UBR4: variants seen among roughly 807,000 people sequenced by gnomAD.
The protein encoded by UBR4 is ubiquitin protein ligase E3 component n-recognin 4, also known as E3 ubiquitin-protein ligase UBR4.
In UBR4, 124 loss-of-function variants were observed where a neutral mutation model predicts 575.6. The observed-to-expected ratio is 0.22, with a 90% CI of 0.19 to 0.25. The LOEUF is 0.25. Ranked by LOEUF, UBR4 falls within the 10% of genes least tolerant of loss-of-function variation. The pLI, the probability that UBR4 is intolerant of heterozygous loss-of-function variation, is 1.00. For synonymous variants in UBR4, 2,455 were observed against 2,473.7 expected, an observed-to-expected ratio of 0.99 and a Z score of 0.22; for missense variants, 4,818 against 6,478.8, an observed-to-expected ratio of 0.74 and a Z score of 8.80.
In UBR4 at chr1:19,132,605, T is replaced by TAAAA; in HGVS notation, c.8907-3535_8907-3532dup. On this transcript the variant is annotated intron_variant, in intron 60 of 105. Transcript: ENST00000375254. ...ACAACAAAAAAAAAGTAAAAAATGG[T>TAAAA]AAAAAAAAAAAAAAAAAAAAGTAAG... Among the ~76,000 whole-genome samples the TAAAA allele has an allele frequency of 2.7e-3, 66 of 24,072 alleles. 2 individuals carry two copies. The highest frequency in any genetic ancestry group is 0.012 in the African/African-American group (51 of 4,404). The allele number at this position is 24,072 out of a possible 152,430, so 15.8% of individuals were successfully genotyped here.
chr1:19,086,851 A>T, intron 99 of UBR4, 30 bp from the exon 100 acceptor site: 1 of 1,611,244 alleles, frequency 6.2e-7, no homozygotes, highest in East Asian at 2.2e-5. Context: ...AGGAGAGGGG[A>T]GGAGAAACTC....
At chr1:19,192,116 A>T in intron 11 of UBR4, 72 bp downstream of exon 11, 1 of 1,540,384 alleles carries the variant, frequency 6.5e-7, no homozygotes, top group Non-Finnish European at 8.8e-7. Context: ...ATGAAGTCAT[A>T]CTAGCTCCCT....
chr1:19,143,873 T>A (rs1373728833), intron 55 of UBR4, 107 bp downstream of exon 55: 2 of 948,820 alleles, frequency 2.1e-6, no homozygotes, highest in Non-Finnish European at 3.2e-6. Context: ...ATACATAAAG[T>A]CTCCAGGACC....
At position 19,177,626 on chromosome 1, in the gene UBR4, T is replaced by C. The variant is rs2090414603; in HGVS notation, c.2472A>G (p.Thr824=). 1 of 1,613,942 alleles carries C rather than the reference T, an allele frequency of 6.2e-7. No homozygotes were observed. The highest frequency in any genetic ancestry group is 8.5e-7 in the Non-Finnish European group (1 of 1,179,974). The stretch of plus-strand genomic sequence containing the variant: ...AAAGCGACAATATGGCCCGCCGGCC[T>C]GTCTCGGTGAAATTGTGGAAAATGA... ...LLLIFHNFTE[T]GRRAILSLFV... Residue 824 remains threonine, a synonymous_variant, in exon 19 of 106, where the codon ACA becomes ACG. Coordinates refer to ENST00000375254, the MANE Select transcript of UBR4 (RefSeq NM_020765.3).
chr1:19,201,918 A>G lies in UBR4; in HGVS notation c.177-103T>C, dbSNP rs1170602203. 4.2e-6 allele frequency: 4 copies of G among 961,934 alleles called. No homozygotes were observed. The African/African-American group carries it at 6.6e-5, about 16-fold the overall frequency. 59.6% of individuals were successfully genotyped at this position (961,934 alleles called of 1,614,324 possible). ...TTATTTAATCCTTACTACCTGGTAG[A>G]TAGTATCATCAACCTATTCCCCTTC... On this transcript the variant is annotated intron_variant, in intron 1 of 105. Coordinates refer to ENST00000375254, the MANE Select transcript of UBR4 (RefSeq NM_020765.3).
intron 39 of UBR4, among the ~76,000 whole-genome samples, chr1:19,158,471 G>A (rs1211438805): frequency 6.6e-6 from 1 of 151,514 alleles, no homozygotes; most frequent in Non-Finnish European, 1.5e-5. Context: ...TTTGAGACAA[G>A]GTTTCTCTCT....
intron 26 of UBR4, 101 bp from the exon 27 acceptor site, chr1:19,169,633 C>T: frequency 2.3e-6 from 2 of 870,340 alleles, no homozygotes; most frequent in Non-Finnish European, 3.5e-6. Context: ...CAGTACAGCC[C>T]AGGCTGTCAA....
rs758113125 is a variant in UBR4, at chr1:19,078,046, T to C, written c.15254A>G (p.Lys5085Arg). 4 of 1,613,916 alleles carry C rather than the reference T, an allele frequency of 2.5e-6. No homozygotes were observed. The highest frequency in any genetic ancestry group is 3.4e-6 in the Non-Finnish European group (4 of 1,179,972). Residue 5085 changes from lysine (K) to arginine (R), a missense_variant, in exon 104 of 106, where the codon AAG (lysine) becomes AGG (arginine). Coordinates refer to ENST00000375254, the MANE Select transcript of UBR4 (RefSeq NM_020765.3). ...GATRLTDKAVKDYSAYRSSLL... is the reference protein window; with the variant it reads ...GATRLTDKAVRDYSAYRSSLL... ...GGAAGAACGGTAAGCGGAATAGTCCTTCACTGCCTTATCTGTCAGCCTGGA... is the reference window on the plus strand; with the variant it reads ...GGAAGAACGGTAAGCGGAATAGTCCCTCACTGCCTTATCTGTCAGCCTGGA...
chr1:19,081,277 G>GT (rs2076480244), intron 103 of UBR4, 72 bp downstream of exon 103: 4 of 1,341,166 alleles, frequency 3.0e-6, no homozygotes. Flanking sequence ...TAGCACGTGC[G>GT]TACCACTAAG....
Position 19,153,437 on chromosome 1 carries a change from C to A in UBR4, c.6696G>T (p.Leu2232=). ...CNEQQRTTMI[L]LCEDGSLRIY... is the part of the protein sequence containing the mutation. Reference sequence around the variant, plus strand: ...TGCGCAGGCTGCCATCCTCACACAGCAGAATCATTGTTGTCCGCTGCTGCT... The same window carrying A: ...TGCGCAGGCTGCCATCCTCACACAGAAGAATCATTGTTGTCCGCTGCTGCT... Residue 2232 remains leucine, a synonymous_variant, in exon 46 of 106, where the codon CTG becomes CTT. Transcript: ENST00000375254. The surrounding 1 kb of genome is among the most constrained non-coding windows in gnomAD (Gnocchi z 4.1). 1 of 1,614,146 alleles carries A rather than the reference C, an allele frequency of 6.2e-7. No homozygotes were observed. Among genetic ancestry groups the A allele is most frequent in the Non-Finnish European group, 8.5e-7 (1 of 1,180,022 alleles).
Position 19,146,996 on chromosome 1 carries a change from T to C in UBR4, c.7634A>G (p.Gln2545Arg). ...SRSAYHSHKDQALLSKAVQCL... is the reference protein window; with the variant it reads ...SRSAYHSHKDRALLSKAVQCL... Reference sequence around the variant, plus strand: ...CTGCACAGCTTTGCTCAGCAAGGCCTGATCCTGTAAAACAACAGGAGCACA... The same window carrying C: ...CTGCACAGCTTTGCTCAGCAAGGCCCGATCCTGTAAAACAACAGGAGCACA... Residue 2545 changes from glutamine (Q) to arginine (R), a missense_variant, in exon 52 of 106, where the codon CAG becomes CGG. By Grantham distance (43) the Gln-to-Arg change is conservative. Around this residue, in one of 29 missense-constraint regions of UBR4, gnomAD observed 340 missense variants for 375.4 expected, o/e 0.91. Transcript: ENST00000375254. 2 of 1,596,608 alleles carry C rather than the reference T, an allele frequency of 1.3e-6. No homozygotes were observed. Among genetic ancestry groups the C allele is most frequent in the South Asian group, 1.1e-5 (1 of 89,256 alleles).
chr1:19,156,139 G>T, intron 42 of UBR4, 132 bp downstream of exon 42: 1 of 1,242,318 alleles, frequency 8.0e-7, no homozygotes, highest in Non-Finnish European at 1.1e-6. Flanking sequence ...CTTCCAAGTA[G>T]CTGGTACTAC....
rs772225284 is a variant in UBR4, at chr1:19,143,866, C to T, written c.8179+114G>A. On this transcript the variant is annotated intron_variant, in intron 55 of 105. Coordinates refer to ENST00000375254, the MANE Select transcript of UBR4 (RefSeq NM_020765.3). ...GGTAGGATTAGAAAAAAGACAGATA[C>T]ATAAAGTCTCCAGGACCTTGGTCAA... The T allele has an allele frequency of 2.9e-4, 252 of 866,878 alleles. 2 individuals are homozygous for T. Among genetic ancestry groups the T allele is most frequent in the Non-Finnish European group, 8.7e-5 (48 of 551,916 alleles). 53.7% of individuals were successfully genotyped at this position (866,878 alleles called of 1,614,324 possible). A position where few individuals can be genotyped will look rare whatever the true frequency, so the allele number is the denominator to read the frequency against.
intron 73 of UBR4, among the ~76,000 whole-genome samples, chr1:19,116,570 C>G (rs1285839735): frequency 6.6e-6 from 1 of 152,232 alleles, no homozygotes; most frequent in Non-Finnish European, 1.5e-5. Context: ...GTAAGTCTTA[C>G]TATTCAAGTA....
At chr1:19,126,087 G>A (rs1309608711) in intron 64 of UBR4, among the ~76,000 whole-genome samples, 2 of 152,262 alleles carry the variant, frequency 1.3e-5, no homozygotes, top group African/African-American at 4.8e-5. Context: ...TTCTTAATAA[G>A]TACGTTAAAG....
intron 90 of UBR4, 146 bp from the exon 91 acceptor site, chr1:19,097,426 A>C: frequency 5.4e-6 from 3 of 551,824 alleles, no homozygotes; most frequent in Non-Finnish European, 3.2e-6. Flanking sequence ...TAGAATCCAA[A>C]TGCACAGCAA....
chr1:19,206,031 A>G (rs1488839085), intron 1 of UBR4, among the ~76,000 whole-genome samples: 1 of 152,254 alleles, frequency 6.6e-6, no homozygotes, highest in South Asian at 2.1e-4. Flanking sequence ...AGAAGGCTAC[A>G]TTCAGCAATG....
rs2085536942 is a variant in UBR4, at chr1:19,150,586, A to C, written c.7421T>G (p.Val2474Gly). 2 of 1,613,118 alleles carry C rather than the reference A, an allele frequency of 1.2e-6. No homozygotes were observed. Among genetic ancestry groups the C allele is most frequent in the Non-Finnish European group, 1.7e-6 (2 of 1,180,016 alleles). Residue 2474 changes from valine (V) to glycine (G), a missense_variant, in exon 49 of 106, where the codon GTC (valine) becomes GGC (glycine). Val to Gly is a moderately radical substitution (Grantham distance 109). Coordinates refer to ENST00000375254, the MANE Select transcript of UBR4 (RefSeq NM_020765.3). ...SAAPTTTSGT[V>G]LERLVVSSLE... ...CTGCCAGCACTGGTACCTCTCCAGG[A>C]CAGTTCCACTGGTCGTAGTGGGGGC...
chr1:19,103,339 C>A (rs1399443430), intron 87 of UBR4, among the ~76,000 whole-genome samples: 1 of 152,108 alleles, frequency 6.6e-6, no homozygotes, highest in African/African-American at 2.4e-5. Flanking sequence ...CCGAGGCAGG[C>A]GGATCATCTG....
Sources: allele counts gnomAD v4.1 joint callset (sites outside exome capture counted in the v4.1 genomes callset), GRCh38; gene constraint gnomAD v4.1.1; regional missense constraint gnomAD v4.1.1; non-coding constraint Gnocchi (gnomAD v3.1); transcripts MANE v1.5; gene names NCBI Gene and HGNC (gene_info 2026-07-23, HGNC 2026-07-21).